WDR26: variants seen among roughly 807,000 people sequenced by gnomAD.
WDR26 encodes the protein WD repeat-containing protein 26.
WDR26 carries 5 observed loss-of-function variants against 84.1 expected under a neutral mutation model. The observed-to-expected ratio is 0.06, with a 90% confidence interval of 0.03 to 0.13. The LOEUF (loss-of-function observed/expected upper bound fraction) is 0.13. Among genes scored for constraint, WDR26 ranks in the 10% least tolerant of loss-of-function variants. The pLI, the probability that WDR26 is intolerant of heterozygous loss-of-function variation, is 1.00. For synonymous variants in WDR26, 415 were observed against 389.6 expected (o/e 1.07, Z -0.77); for missense variants, 642 against 974.9 (o/e 0.66, Z 4.55).
At chr1:224,400,638 T>C (rs1286970795) in intron 9 of WDR26, among the ~76,000 whole-genome samples, 1 of 152,162 alleles carries the variant, frequency 6.6e-6, no homozygotes, top group East Asian at 1.9e-4. Context: ...CTCCGCCTCC[T>C]GAGTTCAAGC....
At chr1:224,414,333 TG>T (rs967174829) in intron 6 of WDR26, among the ~76,000 whole-genome samples, 5 of 152,080 alleles carry the variant, frequency 3.3e-5, no homozygotes, top group African/African-American at 9.7e-5. Flanking sequence ...CTCAAACTCC[TG>T]GGCTCAAGTG....
In WDR26 at chr1:224,386,697, T is replaced by A. The variant is rs1374518868; in HGVS notation, c.*3138A>T. ...CCTTTCAATTGCAGGATATTCTGAT[T>A]ATTTAAAGTTAGGGAATCCCTTTTT... On this transcript the variant is annotated 3_prime_UTR_variant, in exon 14 of 14. Coordinates refer to ENST00000414423, the MANE Select transcript of WDR26 (RefSeq NM_001379403.1). 6 of 152,246 alleles carry A rather than the reference T, an allele frequency of 3.9e-5. No individual in the cohort carries two copies. The highest frequency in any genetic ancestry group is 9.7e-5 in the African/African-American group (4 of 41,448). The allele number at this position is 152,246 out of a possible 1,614,324, so 9.4% of individuals were successfully genotyped here.
rs892423439 is a variant in WDR26 at position 224,424,408 on chromosome 1, C to A, written c.1064+110G>T. 2.1e-6 allele frequency: 3 copies of A among 1,419,244 alleles called. No homozygotes were observed. The African/African-American group carries it at 4.4e-5, about 21-fold the overall frequency. 87.9% of individuals were successfully genotyped at this position (1,419,244 alleles called of 1,614,324 possible). On this transcript the variant is annotated intron_variant, in intron 4 of 13. Transcript: ENST00000414423. ...CCACACAGGAGTGAGTTTACCTAGA[C>A]AAATATCTAAGAATTTAGCAATAAT... is the stretch of plus-strand genomic sequence containing the variant.
At chr1:224,415,453 C>CTTTTTTTTTTTTTTTTTTTTTTTTTT (rs149995544) in intron 6 of WDR26, among the ~76,000 whole-genome samples, 2 of 82,340 alleles carry the variant, frequency 2.4e-5, no homozygotes, top group African/African-American at 4.9e-5. Context: ...GTATTTCTTT[C>CTTTTTTTTTTTTTTTTTTTTTTTTTT]TTTTTTTTTT....
chr1:224,397,962 AT>A, intron 12 of WDR26, 134 bp downstream of exon 12: 1 of 1,061,104 alleles, frequency 9.4e-7, no homozygotes, highest in Non-Finnish European at 1.3e-6. Flanking sequence ...ACAGAGAGAA[AT>A]TAACCGTGTA....
intron 5 of WDR26, 129 bp from the exon 6 acceptor site, chr1:224,418,545 T>C: frequency 1.2e-6 from 1 of 820,098 alleles, no homozygotes; most frequent in Non-Finnish European, 1.8e-6. Context: ...AGAGAAGTTC[T>C]GCGTTATGCG....
intron 6 of WDR26, among the ~76,000 whole-genome samples, chr1:224,414,851 C>T (rs1453994550): frequency 6.6e-6 from 1 of 151,958 alleles, no homozygotes; most frequent in Non-Finnish European, 1.5e-5. Context: ...AACGAAAACA[C>T]AAAAACAAAG....
chr1:224,389,686 T>G lies in WDR26; in HGVS notation c.*149A>C, dbSNP rs372953355. ...TTACTATGAAGCAAGGTGTAAATGTTTGGCCCCAATCGGGCTTCAGAAATG... is the reference window on the plus strand; with the variant it reads ...TTACTATGAAGCAAGGTGTAAATGTGTGGCCCCAATCGGGCTTCAGAAATG... On this transcript the variant is annotated 3_prime_UTR_variant, in exon 14 of 14. Coordinates refer to ENST00000414423, the MANE Select transcript of WDR26 (RefSeq NM_001379403.1). The G allele has an allele frequency of 1.3e-6, 1 of 782,878 alleles. No homozygotes were observed. Among genetic ancestry groups the G allele is most frequent in the Admixed American group, 2.3e-5 (1 of 42,866 alleles). 48.5% of individuals were successfully genotyped at this position (782,878 alleles called of 1,614,324 possible).
At chr1:224,411,176 G>A (rs537658212) in intron 7 of WDR26, among the ~76,000 whole-genome samples, 3 of 152,222 alleles carry the variant, frequency 2.0e-5, no homozygotes, top group South Asian at 2.1e-4. Context: ...ACCTCACAGA[G>A]TTTTTCAGAA....
In WDR26 at chr1:224,434,300, C is replaced by A. The variant is rs937454288; in HGVS notation, c.106G>T (p.Ala36Ser). Residue 36 changes from alanine (A) to serine (S), a missense_variant, in exon 1 of 14, where the codon GCG (alanine) becomes TCG (serine). By Grantham distance (99) the Ala-to-Ser change is moderately conservative (BLOSUM62 1). Transcript: ENST00000414423. The stretch of plus-strand genomic sequence containing the variant: ...GCCCCGGGCTCTCCTACTCCCTCCG[C>A]CGCCGAGGCTCGGGGTTTCTTCCGC... 8 of 1,235,010 alleles carry A rather than the reference C, an allele frequency of 6.5e-6. No individual in the cohort carries two copies. The highest frequency in any genetic ancestry group is 1.6e-5 in the African/African-American group (1 of 64,354). 76.5% of individuals were successfully genotyped at this position (1,235,010 alleles called of 1,614,324 possible). A position where few individuals can be genotyped will look rare whatever the true frequency, so the allele number is the denominator to read the frequency against.
intron 3 of WDR26, among the ~76,000 whole-genome samples, chr1:224,424,909 G>A (rs1466434179): frequency 6.6e-6 from 1 of 152,174 alleles, no homozygotes; most frequent in Non-Finnish European, 1.5e-5. Flanking sequence ...ATTAGTGACT[G>A]AGGCATCAGC....
At chr1:224,433,544 CT>C (rs1674471004) in intron 1 of WDR26, 139 bp downstream of exon 1, 1 of 1,219,596 alleles carries the variant, frequency 8.2e-7, no homozygotes, top group Admixed American at 2.9e-5. Flanking sequence ...CTCCTGTGTA[CT>C]GGGTCCTGCG....
chr1:224,407,156 A>ATATATATATATATG (rs1673601149), intron 7 of WDR26, among the ~76,000 whole-genome samples: 1 of 93,532 alleles, frequency 1.1e-5, no homozygotes, highest in Non-Finnish European at 2.1e-5. Flanking sequence ...AAAAAAATAT[A>ATATATATATATATG]TATATATATA....
chr1:224,401,213 G>C lies in WDR26; in HGVS notation c.1600-144C>G, dbSNP rs1233604126. The C allele has an allele frequency of 1.0e-5, 8 of 766,360 alleles. 1 individual carries two copies. In the Admixed American group the frequency reaches 2.6e-4, roughly 25 times the overall value. 47.5% of individuals were successfully genotyped at this position (766,360 alleles called of 1,614,324 possible). A position where few individuals can be genotyped will look rare whatever the true frequency, so the allele number is the denominator to read the frequency against. ...ATGAATTAAGTGACCCTACAAAAAA[G>C]AGACAACAGCACTCAGAAGAGAAAT... is the stretch of plus-strand genomic sequence containing the variant. On this transcript the variant is annotated intron_variant, in intron 8 of 13. Coordinates refer to ENST00000414423, the MANE Select transcript of WDR26 (RefSeq NM_001379403.1).
intron 6 of WDR26, among the ~76,000 whole-genome samples, chr1:224,414,773 A>G (rs1673844653): frequency 6.6e-6 from 1 of 151,872 alleles, no homozygotes; most frequent in Non-Finnish European, 1.5e-5. Context: ...TGAGGCCAGG[A>G]GTTTGAGATT....
intron 3 of WDR26, among the ~76,000 whole-genome samples, chr1:224,427,800 A>G (rs1157640686): frequency 6.6e-6 from 1 of 152,256 alleles, no homozygotes; most frequent in African/African-American, 2.4e-5. Context: ...AAGCACAAAA[A>G]TGTAAATATA....
intron 7 of WDR26, 54 bp from the exon 8 acceptor site, chr1:224,404,624 C>T (rs948793246): frequency 6.5e-7 from 1 of 1,548,790 alleles, no homozygotes; most frequent in South Asian, 1.2e-5. Context: ...GTCATTGTTT[C>T]CCAATGTAAG....
chr1:224,392,885 T>G (rs1673165345), intron 13 of WDR26, among the ~76,000 whole-genome samples: 1 of 151,754 alleles, frequency 6.6e-6, no homozygotes, highest in Non-Finnish European at 1.5e-5. Flanking sequence ...TGAGAGCAAT[T>G]AGTCATCTTT....
intron 3 of WDR26, among the ~76,000 whole-genome samples, chr1:224,425,301 C>G (rs1454886898): frequency 2.6e-5 from 4 of 152,224 alleles, no homozygotes; most frequent in Non-Finnish European, 5.9e-5. Flanking sequence ...TCACTCTCTT[C>G]TAGGCGGCTA....
Sources: allele counts gnomAD v4.1 joint callset (sites outside exome capture counted in the v4.1 genomes callset), GRCh38; gene constraint gnomAD v4.1.1; transcripts MANE v1.5; gene names NCBI Gene and HGNC (gene_info 2026-07-23, HGNC 2026-07-21).